The following DNAH6 variants were observed in gnomAD, a reference collection of about 807,000 sequenced individuals.
DNAH6 encodes the protein dynein axonemal heavy chain 6.
Under a neutral mutation model 491.4 loss-of-function variants are expected in DNAH6, and 340 were observed. The ratio of observed to expected loss-of-function variants is 0.69; its 90% CI spans 0.63 to 0.76. DNAH6 has a LOEUF of 0.76. DNAH6 is among the 30% of genes least tolerant of loss of function. The probability of loss-of-function intolerance (pLI) is 0.00; values close to 1 mark genes in which losing one functional copy is unlikely to be tolerated. For synonymous variants in DNAH6, 1,603 were observed against 1,686.1 expected (o/e 0.95, Z 1.21); for missense variants, 4,443 against 4,972.2 (o/e 0.89, Z 3.20).
At position 84,549,995 on chromosome 2, in the gene DNAH6, C is replaced by T; in HGVS notation, c.1423C>T (p.Pro475Ser). The T allele has an allele frequency of 6.2e-7, 1 of 1,613,990 alleles. No homozygotes were observed. Among genetic ancestry groups the T allele is most frequent in the Non-Finnish European group, 8.5e-7 (1 of 1,179,954 alleles). The change falls in exon 9 of 77, where the codon CCT becomes TCT. Residue 475 changes from proline to serine, a missense_variant. Physicochemically the swap from Pro to Ser is moderately conservative, Grantham distance 74. Coordinates refer to ENST00000389394, the MANE Select transcript of DNAH6 (RefSeq NM_001370.2). Reference protein sequence around the residue: ...NHLTDKLKRTPSADVIQKWIT... With the variant: ...NHLTDKLKRTSSADVIQKWIT... ...TCTCACTGACAAGCTAAAACGAACACCTTCAGCAGATGTCATTCAGAAATG... is the reference window on the plus strand; with the variant it reads ...TCTCACTGACAAGCTAAAACGAACATCTTCAGCAGATGTCATTCAGAAATG...
chr2:84,588,649 T>A (rs1443825829), intron 15 of DNAH6, among the ~76,000 whole-genome samples, 177 bp from the exon 16 acceptor site: 1 of 152,234 alleles, frequency 6.6e-6, no homozygotes, highest in Non-Finnish European at 1.5e-5. Context: ...GTGTACTTTT[T>A]ATAATGTCTA....
At chr2:84,718,722 C>T (rs1697794123) in intron 59 of DNAH6, among the ~76,000 whole-genome samples, 1 of 152,250 alleles carries the variant, frequency 6.6e-6, no homozygotes, top group Admixed American at 6.5e-5. Context: ...TTGGAATTAA[C>T]TTCCTCCTCC....
the DNAH6 span, among the ~76,000 whole-genome samples, chr2:84,489,114 T>C: frequency 6.6e-6 from 1 of 152,192 alleles, no homozygotes; most frequent in Admixed American, 6.5e-5. Flanking sequence ...AGTGTGCATA[T>C]GTAAGAGTTT....
chr2:84,675,550 T>C (rs1026264144), intron 40 of DNAH6, among the ~76,000 whole-genome samples: 7 of 152,240 alleles, frequency 4.6e-5, no homozygotes, highest in African/African-American at 1.7e-4. Flanking sequence ...TGCCACTTCC[T>C]TGGCCAAATC....
In DNAH6 at chr2:84,682,028, A is replaced by G. The variant is rs191011453; in HGVS notation, c.6916+500A>G. On this transcript the variant is annotated intron_variant, in intron 42 of 76. Transcript: ENST00000389394. ...AAAAAAATAATTTTCTTTAAGACCCATATCCCCTGATGGTACCCCTCCCAT... is the reference window on the plus strand; with the variant it reads ...AAAAAAATAATTTTCTTTAAGACCCGTATCCCCTGATGGTACCCCTCCCAT... 6.7e-4 allele frequency among the ~76,000 whole-genome samples: 102 copies of G among 152,198 alleles called. 1 individual carries two copies. The highest frequency in any genetic ancestry group is 1.9e-4 in the Non-Finnish European group (13 of 68,008).
chr2:84,527,182 G>T (rs1199685204), intron 3 of DNAH6, among the ~76,000 whole-genome samples: 1 of 152,132 alleles, frequency 6.6e-6, no homozygotes, highest in African/African-American at 2.4e-5. Flanking sequence ...GAAAGTTGGA[G>T]GCCTCTGTTA....
In DNAH6 at chr2:84,701,148, G is replaced by A. The variant is rs376075459; in HGVS notation, c.7870G>A (p.Asp2624Asn). Residue 2624 changes from aspartate to asparagine, a missense_variant, in exon 49 of 77, where the codon GAT (aspartate) becomes AAT (asparagine). Physicochemically the swap from Asp to Asn is conservative, Grantham distance 23. Transcript: ENST00000389394. ...GTCAAAGACATTTTTCTCACAAGTC[G>A]ATGCTGGAAATGAAGAACTGAAAGA... Reference protein sequence around the residue: ...SVSKTFFSQVDAGNEELKEKL... With the variant: ...SVSKTFFSQVNAGNEELKEKL... 70 of 1,551,750 alleles carry A rather than the reference G, an allele frequency of 4.5e-5. 2 individuals are homozygous for A. In the South Asian group the frequency reaches 5.7e-4, roughly 13 times the overall value.
At chr2:84,562,819 T>A (rs573702992) in intron 11 of DNAH6, among the ~76,000 whole-genome samples, 1 of 152,114 alleles carries the variant, frequency 6.6e-6, no homozygotes, top group South Asian at 2.1e-4. Context: ...ATGAGGAAGG[T>A]TTTATTTGAG....
At chr2:84,570,817 T>A (rs866492558) in intron 11 of DNAH6, among the ~76,000 whole-genome samples, 1 of 152,132 alleles carries the variant, frequency 6.6e-6, no homozygotes, top group Non-Finnish European at 1.5e-5. Flanking sequence ...CTTTCGCTCT[T>A]CTCAATAAAT....
intron 29 of DNAH6, among the ~76,000 whole-genome samples, chr2:84,631,139 G>A: frequency 6.6e-6 from 1 of 152,122 alleles, no homozygotes; most frequent in African/African-American, 2.4e-5. Flanking sequence ...TGCTTCTCCG[G>A]TTGAACACAA....
rs1693817748 is a variant in DNAH6, at chr2:84,681,932, C to A, written c.6916+404C>A. ...TGCTATCATAATTCCCACTTCTCATCTTCAAAGTTTCTTTTTTTATTGGAT... is the reference window on the plus strand; with the variant it reads ...TGCTATCATAATTCCCACTTCTCATATTCAAAGTTTCTTTTTTTATTGGAT... On this transcript the variant is annotated intron_variant, in intron 42 of 76. Transcript: ENST00000389394. 3.3e-5 allele frequency among the ~76,000 whole-genome samples: 5 copies of A among 152,150 alleles called. No individual in the cohort carries two copies. The South Asian group carries it at 1.0e-3, about 32-fold the overall frequency.
At chr2:84,753,755 TAAAAAA>T (rs1162541312) in intron 63 of DNAH6, among the ~76,000 whole-genome samples, 9 of 77,124 alleles carry the variant, frequency 1.2e-4, no homozygotes, top group African/African-American at 2.3e-4. Context: ...GAAACTCTGT[TAAAAAA>T]AAAAAAAAAA....
intron 26 of DNAH6, 92 bp from the exon 27 acceptor site, chr2:84,624,173 C>T: frequency 8.5e-7 from 1 of 1,176,890 alleles, no homozygotes; most frequent in East Asian, 2.6e-5. Context: ...TGGTTTTTAG[C>T]AATGTCTCTC....
chr2:84,761,470 T>G (rs1316663749), intron 63 of DNAH6, among the ~76,000 whole-genome samples: 1 of 151,978 alleles, frequency 6.6e-6, no homozygotes, highest in Non-Finnish European at 1.5e-5. Flanking sequence ...CCCCATAAAT[T>G]TATACAGAAA....
At chr2:84,719,869 AACAC>A (rs72442165) in intron 59 of DNAH6, among the ~76,000 whole-genome samples, 32,186 of 144,602 alleles carry the variant, frequency 0.22, 4,143 homozygotes, top group African/African-American at 0.37. Flanking sequence ...CTGTACCTCT[AACAC>A]ACACACACAC....
At chr2:84,708,482 G>GGGGGGA (rs1553473261) in intron 54 of DNAH6, among the ~76,000 whole-genome samples, 11 of 101,054 alleles carry the variant, frequency 1.1e-4, no homozygotes, top group Middle Eastern at 5.0e-3. Context: ...GAAAGGGGGG[G>GGGGGGA]GGGAGGGAGG....
chr2:84,619,819 A>G lies in DNAH6; in HGVS notation c.3707A>G (p.Glu1236Gly). ...KLEFALMPPA[E>G]GKIPGIDGEP... ...GAATTTGCTCTCATGCCTCCTGCCG[A>G]AGGAAAGATTCCTGGTATTGATGGA... Residue 1236 changes from glutamate (E) to glycine (G), a missense_variant, in exon 24 of 77, where the codon GAA becomes GGA. This residue lies in a region of DNAH6 where 2,977 missense variants were observed against 3,296.6 expected (regional missense o/e 0.90). Transcript: ENST00000389394. 6.4e-7 allele frequency: 1 copy of G among 1,551,524 alleles called. No individual in the cohort carries two copies. Among genetic ancestry groups the G allele is most frequent in the African/African-American group, 1.4e-5 (1 of 73,128 alleles).
chr2:84,727,547 T>TTAC, intron 60 of DNAH6, 122 bp from the exon 61 acceptor site: 1 of 643,264 alleles, frequency 1.6e-6, no homozygotes, highest in Non-Finnish European at 2.8e-6. Flanking sequence ...CATTGAGGAC[T>TTAC]TACTGTATTC....
chr2:84,803,221 T>C (rs1024201182), intron 70 of DNAH6, among the ~76,000 whole-genome samples: 1 of 152,190 alleles, frequency 6.6e-6, no homozygotes, highest in Non-Finnish European at 1.5e-5. Context: ...TACTGCATGT[T>C]CTCACTTACA....
Sources: gnomAD v4.1 joint callset for allele counts (sites outside exome capture counted in the v4.1 genomes callset) on GRCh38, gnomAD v4.1.1 for gene constraint, gnomAD v4.1.1 regional missense constraint, MANE v1.5 for transcripts, NCBI Gene and HGNC (gene_info 2026-07-23, HGNC 2026-07-21) for gene names.